The following FAF1 variants were observed in gnomAD, a reference collection of about 807,000 sequenced individuals.
The protein encoded by FAF1 is Fas associated factor 1.
In FAF1, 25 loss-of-function variants were observed where a neutral mutation model predicts 92.5. That is an observed-to-expected ratio of 0.27 (90% CI 0.20 to 0.38). FAF1 has a LOEUF of 0.38. FAF1 is among the 10% of genes least tolerant of loss of function. The probability of loss-of-function intolerance (pLI) is 1.00; values close to 1 mark genes in which losing one functional copy is unlikely to be tolerated. For missense variants in FAF1, 636 were observed against 793.3 expected (o/e 0.80, Z 2.38); for synonymous variants, 234 against 273.2 (o/e 0.86, Z 1.42).
At chr1:50,728,428 A>T (rs1201407431) in intron 6 of FAF1, among the ~76,000 whole-genome samples, 6 of 152,200 alleles carry the variant, frequency 3.9e-5, no homozygotes, top group African/African-American at 1.2e-4. Context: ...AAAGACAAGG[A>T]TAAGATTATG....
At chr1:50,691,032 T>C (rs1294378365) in intron 7 of FAF1, among the ~76,000 whole-genome samples, 2 of 152,220 alleles carry the variant, frequency 1.3e-5, no homozygotes, top group Non-Finnish European at 2.9e-5. Context: ...CCTATAAACA[T>C]TCACATACAC....
At chr1:50,449,130 G>A (rs1401270157) in intron 18 of FAF1, among the ~76,000 whole-genome samples, 3 of 151,986 alleles carry the variant, frequency 2.0e-5, no homozygotes, top group South Asian at 2.1e-4. Flanking sequence ...ACTAAACTTC[G>A]TTCTGAAGAA....
chr1:50,778,725 T>C (rs898633166), intron 4 of FAF1, among the ~76,000 whole-genome samples: 1 of 152,004 alleles, frequency 6.6e-6, no homozygotes, highest in African/African-American at 2.4e-5. Context: ...GCAGAGACAG[T>C]AGAAAATTTG....
At chr1:50,823,631 A>G (rs1238314070) in intron 2 of FAF1, among the ~76,000 whole-genome samples, 4 of 152,128 alleles carry the variant, frequency 2.6e-5, no homozygotes, top group Non-Finnish European at 5.9e-5. Flanking sequence ...TACCTTACCA[A>G]TGAGTTGTTC....
chr1:50,465,467 A>G (rs1371885295), intron 18 of FAF1, among the ~76,000 whole-genome samples: 3 of 152,216 alleles, frequency 2.0e-5, no homozygotes, highest in African/African-American at 7.2e-5. Flanking sequence ...TCATTCATTC[A>G]TTCAACAGGT....
Position 50,832,359 on chromosome 1 carries a change from C to A in FAF1, c.114+25570G>T, listed in dbSNP as rs564125318. On this transcript the variant is annotated intron_variant, in intron 2 of 18. Coordinates refer to ENST00000396153, the MANE Select transcript of FAF1 (RefSeq NM_007051.3). ...TGTCCAGTACTGGCACAGAATCCAG[C>A]AGTAGCAACAGGAACAAATTGGTCA... Among the ~76,000 whole-genome samples the A allele has an allele frequency of 4.6e-5, 7 of 152,212 alleles. No individual in the cohort carries two copies. In the South Asian group the frequency reaches 1.5e-3, roughly 32 times the overall value.
intron 4 of FAF1, chr1:50,780,964 A>T (rs1367544821): frequency 4.1e-6 from 2 of 484,000 alleles, no homozygotes; most frequent in Admixed American, 2.1e-5. Context: ...ACAGGAGGTC[A>T]TCATCTCTGC....
chr1:50,707,202 C>CAAAAA (rs397862445), intron 6 of FAF1, among the ~76,000 whole-genome samples: 1 of 106,898 alleles, frequency 9.4e-6, no homozygotes. Context: ...GACTCTGTGT[C>CAAAAA]AAAAAAAAAA....
intron 18 of FAF1, among the ~76,000 whole-genome samples, chr1:50,474,417 T>A (rs183636480): frequency 1.4e-4 from 22 of 152,220 alleles, no homozygotes; most frequent in Admixed American, 3.3e-4. Flanking sequence ...GTTTTTTTTT[T>A]AAATTTTTTA....
chr1:50,497,882 A>G (rs902771047), intron 15 of FAF1, among the ~76,000 whole-genome samples: 3 of 152,086 alleles, frequency 2.0e-5, no homozygotes, highest in Admixed American at 6.6e-5. Flanking sequence ...ACTGTATCTC[A>G]ATGCCATTTT....
At chr1:50,641,703 T>G (rs527279491) in intron 8 of FAF1, among the ~76,000 whole-genome samples, 2 of 152,266 alleles carry the variant, frequency 1.3e-5, no homozygotes, top group Admixed American at 1.3e-4. Flanking sequence ...CAAAGTTGAT[T>G]AATCATGTTG....
At chr1:50,449,779 C>T (rs1185923200) in intron 18 of FAF1, among the ~76,000 whole-genome samples, 4 of 151,760 alleles carry the variant, frequency 2.6e-5, no homozygotes, top group African/African-American at 9.7e-5. Context: ...TGAGCCACCG[C>T]GCCTGGCCTA....
intron 8 of FAF1, among the ~76,000 whole-genome samples, chr1:50,609,213 C>T (rs1652580955): frequency 6.6e-6 from 1 of 152,170 alleles, no homozygotes; most frequent in South Asian, 2.1e-4. Context: ...ATAGATCATG[C>T]TAGTTCTATT....
chr1:50,631,368 C>G lies in FAF1; in HGVS notation c.744+24074G>C, dbSNP rs545055124. Among the ~76,000 whole-genome samples the G allele has an allele frequency of 6.6e-5, 10 of 152,246 alleles. No individual in the cohort carries two copies. In the East Asian group the frequency reaches 1.9e-3, roughly 29 times the overall value. On this transcript the variant is annotated intron_variant, in intron 8 of 18. Coordinates refer to ENST00000396153, the MANE Select transcript of FAF1 (RefSeq NM_007051.3). Reference sequence around the variant, plus strand: ...TGTCCCCATCAGGACATAAATCATCCCTTTGTCCAGTGTATCCATGCTGTA... The same window carrying G: ...TGTCCCCATCAGGACATAAATCATCGCTTTGTCCAGTGTATCCATGCTGTA...
chr1:50,821,542 C>CAG (rs898653704), intron 2 of FAF1, among the ~76,000 whole-genome samples: 3 of 152,096 alleles, frequency 2.0e-5, no homozygotes, highest in African/African-American at 7.2e-5. Flanking sequence ...TAAATATGCT[C>CAG]AAAGTACTCG....
intron 17 of FAF1, among the ~76,000 whole-genome samples, chr1:50,477,177 TG>T (rs2149000069): frequency 6.6e-6 from 1 of 152,346 alleles, no homozygotes; most frequent in Admixed American, 6.5e-5. Context: ...ATTTCTGCAA[TG>T]TATAGACAAA....
Position 50,523,780 on chromosome 1 carries a change from T to C in FAF1, c.1494+11589A>G, listed in dbSNP as rs573794194. Among the ~76,000 whole-genome samples, 15 of 152,344 alleles carry C rather than the reference T, an allele frequency of 9.8e-5. No homozygotes were observed. The South Asian group carries it at 3.1e-3, about 32-fold the overall frequency. ...GTGTATATATACCACATTTTCTTTA[T>C]CTAGTCTCCCATTGATGGGCATTTA... is the stretch of plus-strand genomic sequence containing the variant. On this transcript the variant is annotated intron_variant, in intron 15 of 18. Coordinates refer to ENST00000396153, the MANE Select transcript of FAF1 (RefSeq NM_007051.3).
At chr1:50,776,936 A>G (rs1432651274) in intron 4 of FAF1, among the ~76,000 whole-genome samples, 1 of 152,072 alleles carries the variant, frequency 6.6e-6, no homozygotes, top group Non-Finnish European at 1.5e-5. Context: ...TTAAAACGTC[A>G]ACAGAGGAAG....
chr1:50,778,046 T>C (rs1291849670), intron 4 of FAF1, among the ~76,000 whole-genome samples: 1 of 152,174 alleles, frequency 6.6e-6, no homozygotes, highest in Admixed American at 6.5e-5. Flanking sequence ...AACCCAAATA[T>C]CTATCACCAG....
Sources: allele counts gnomAD v4.1 joint callset (sites outside exome capture counted in the v4.1 genomes callset), GRCh38; gene constraint gnomAD v4.1.1; transcripts MANE v1.5; gene names NCBI Gene and HGNC (gene_info 2026-07-23, HGNC 2026-07-21).